Variants in ANK1 observed in about 807,000 individuals in gnomAD.
ANK1 encodes the protein ankyrin-1.
A neutral mutation model predicts 210.4 loss-of-function variants in ANK1; 51 were observed. The observed-to-expected ratio is 0.24, with a 90% CI of 0.19 to 0.31. The LOEUF (loss-of-function observed/expected upper bound fraction) is 0.31. ANK1 is among the 10% of genes least tolerant of loss of function. The pLI is 1.00. For missense variants in ANK1, 2,051 were observed against 2,504.4 expected (o/e 0.82, Z 3.86); for synonymous variants, 967 against 1,025.9 (o/e 0.94, Z 1.10).
chr8:41,891,580 C>T (rs1488217388), intron 1 of ANK1, among the ~76,000 whole-genome samples: 1 of 152,230 alleles, frequency 6.6e-6, no homozygotes, highest in South Asian at 2.1e-4. Flanking sequence ...ACCCTGCTCT[C>T]CTGGTCTAGC....
rs150607306 is a variant in ANK1 at position 41,671,090 on chromosome 8, C to T, written c.5096+1264G>A. Reference sequence around the variant, plus strand: ...GAGAGCTCCAAGGTGAGCCGGTCCTCGGCCGCAGACTTGCAGTGTCTGGGA... The same window carrying T: ...GAGAGCTCCAAGGTGAGCCGGTCCTTGGCCGCAGACTTGCAGTGTCTGGGA... On this transcript the variant is annotated intron_variant, in intron 38 of 42. Transcript: ENST00000289734. 3.0e-3 allele frequency among the ~76,000 whole-genome samples: 452 copies of T among 152,334 alleles called. 4 individuals are homozygous for T. The highest frequency in any genetic ancestry group is 9.7e-3 in the African/African-American group (402 of 41,568).
intron 22 of ANK1, among the ~76,000 whole-genome samples, chr8:41,701,249 A>G (rs569960084): frequency 6.6e-6 from 1 of 152,318 alleles, no homozygotes; most frequent in East Asian, 1.9e-4. Context: ...CGGAGACTTG[A>G]TCTCAGTAGA....
chr8:41,795,559 G>T (rs1360575443), intron 1 of ANK1, among the ~76,000 whole-genome samples: 1 of 151,880 alleles, frequency 6.6e-6, no homozygotes, highest in Non-Finnish European at 1.5e-5. Flanking sequence ...ACTAATTACA[G>T]CTGCTTGAGC....
At chr8:41,749,350 T>C (rs1190638793) in intron 2 of ANK1, among the ~76,000 whole-genome samples, 2 of 140,250 alleles carry the variant, frequency 1.4e-5, no homozygotes, top group African/African-American at 2.7e-5. Flanking sequence ...CAGGCTGGAG[T>C]GCAGTGGCAC....
intron 1 of ANK1, among the ~76,000 whole-genome samples, chr8:41,761,298 TACACACACACGC>T (rs1269676835): frequency 2.0e-5 from 3 of 149,092 alleles, no homozygotes; most frequent in African/African-American, 7.5e-5. Flanking sequence ...AAGAGATGCA[TACACACACACGC>T]ACACACATGC....
intron 2 of ANK1, among the ~76,000 whole-genome samples, chr8:41,747,112 A>G (rs1836386295): frequency 6.6e-6 from 1 of 152,212 alleles, no homozygotes; most frequent in South Asian, 2.1e-4. Flanking sequence ...AAAAAGTAAT[A>G]TGCCAAGATT....
rs1805339109 is a variant in ANK1 at position 41,655,450 on chromosome 8, C to T, written c.*340G>A. On this transcript the variant is annotated 3_prime_UTR_variant, in exon 43 of 43. Transcript: ENST00000289734. ...CCCAGCCACAAAAAGCCCTCATTCACTTTTGCGTTCGCAGGCTCTCCTGCG... is the reference window on the plus strand; with the variant it reads ...CCCAGCCACAAAAAGCCCTCATTCATTTTTGCGTTCGCAGGCTCTCCTGCG... 5 of 408,236 alleles carry T rather than the reference C, an allele frequency of 1.2e-5. No homozygotes were observed. Among genetic ancestry groups the T allele is most frequent in the Non-Finnish European group, 2.2e-5 (5 of 227,852 alleles). 25.3% of individuals were successfully genotyped at this position (408,236 alleles called of 1,614,324 possible).
rs754033237 is a variant in ANK1, at chr8:41,668,319, C to T, written c.5342G>A (p.Gly1781Asp). The change falls in exon 39 of 43, where the codon GGC (glycine) becomes GAC (aspartate). Residue 1781 changes from glycine to aspartate, a missense_variant. This residue lies in a region of ANK1 where 496 missense variants were observed against 533.4 expected (regional missense o/e 0.93). Transcript: ENST00000289734. Reference sequence around the variant, plus strand: ...GGCCTCCTGCACCTGCTCTTCTTGGCCTTGCTGCCTCCGGTCCCTGTCGGC... The same window carrying T: ...GGCCTCCTGCACCTGCTCTTCTTGGTCTTGCTGCCTCCGGTCCCTGTCGGC... ...SQADRDRRQQGQEEQVQEAKN... is the reference protein window; with the variant it reads ...SQADRDRRQQDQEEQVQEAKN... The T allele has an allele frequency of 2.5e-6, 4 of 1,614,224 alleles. No homozygotes were observed. Among genetic ancestry groups the T allele is most frequent in the South Asian group, 1.1e-5 (1 of 91,088 alleles).
At chr8:41,709,324 T>C (rs533939131) in intron 16 of ANK1, among the ~76,000 whole-genome samples, 1 of 152,344 alleles carries the variant, frequency 6.6e-6, no homozygotes, top group Admixed American at 6.5e-5. Flanking sequence ...ACCCCAAATA[T>C]TTCATAAAGA....
intron 11 of ANK1, 91 bp downstream of exon 11, chr8:41,718,015 G>A (rs558816817): frequency 8.1e-7 from 1 of 1,235,748 alleles, no homozygotes; most frequent in Admixed American, 1.9e-5. Context: ...CACCCCTGCA[G>A]CCATACAAAG....
chr8:41,685,190 A>G (rs543253400), intron 36 of ANK1, among the ~76,000 whole-genome samples: 7 of 152,194 alleles, frequency 4.6e-5, no homozygotes, highest in Admixed American at 1.3e-4. Flanking sequence ...TGGCCTCCCA[A>G]AGTGCTGGGA....
intron 1 of ANK1, among the ~76,000 whole-genome samples, chr8:41,759,929 G>A (rs1255458971): frequency 1.3e-5 from 2 of 152,168 alleles, no homozygotes; most frequent in Non-Finnish European, 2.9e-5. Flanking sequence ...GGACTCAGAT[G>A]CAGGTAGTGT....
intron 1 of ANK1, among the ~76,000 whole-genome samples, chr8:41,790,161 T>TC (rs1328102504): frequency 2.0e-5 from 3 of 151,678 alleles, no homozygotes; most frequent in South Asian, 4.2e-4. Flanking sequence ...TTTTTTTTTT[T>TC]CAGAGACAGA....
In ANK1 at chr8:41,693,141, T is replaced by C. The variant is rs200633006; in HGVS notation, c.3593A>G (p.Asn1198Ser). 1 of 1,613,930 alleles carries C rather than the reference T, an allele frequency of 6.2e-7. No individual in the cohort carries two copies. The highest frequency in any genetic ancestry group is 2.2e-5 in the East Asian group (1 of 44,870). ...ATTGGTGGTGAAGTTGGCGCACTCG[T>C]TGGCATATACAAGTTTGGTGGTTCC... Reference protein sequence around the residue: ...ITGTTKLVYANECANFTTNVS... With the variant: ...ITGTTKLVYASECANFTTNVS... The change falls in exon 30 of 43, where the codon AAC becomes AGC. Residue 1198 changes from asparagine (N) to serine (S), a missense_variant. Coordinates refer to ENST00000289734, the MANE Select transcript of ANK1 (RefSeq NM_000037.4).
chr8:41,718,262 C>T lies in ANK1; in HGVS notation c.1108-58G>A, dbSNP rs182348855. 706 of 1,560,626 alleles carry T rather than the reference C, an allele frequency of 4.5e-4. 3 individuals are homozygous for T. In the African/African-American group the frequency reaches 5.1e-3, roughly 11 times the overall value. ...GGAGCTTACACACGGGCCCAAGGAA[C>T]GCCCAGAAGACCACCTGGCTGCTCT... On this transcript the variant is annotated intron_variant, in intron 10 of 42. Coordinates refer to ENST00000289734, the MANE Select transcript of ANK1 (RefSeq NM_000037.4).
At chr8:41,714,045 C>G in intron 16 of ANK1, 111 bp downstream of exon 16, 1 of 720,162 alleles carries the variant, frequency 1.4e-6, no homozygotes, top group Non-Finnish European at 2.0e-6. Context: ...GTAAAAATAG[C>G]AACAGAACGC....
At position 41,694,909 on chromosome 8, in the gene ANK1, T is replaced by G. The variant is rs552959439; in HGVS notation, c.3116-106A>C. ...TCCCCAAGACCCAGTGCACACACCC[T>G]CCCCAGGTGCCGGGCGGCATAGTGG... On this transcript the variant is annotated intron_variant, in intron 27 of 42. Transcript: ENST00000289734. This position sits in a 1 kb window ranked among gnomAD's most constrained non-coding sequence, Gnocchi z 5.7. The G allele has an allele frequency of 5.6e-6, 7 of 1,248,974 alleles. No individual in the cohort carries two copies. Among genetic ancestry groups the G allele is most frequent in the Non-Finnish European group, 8.0e-6 (7 of 871,294 alleles). 77.4% of individuals were successfully genotyped at this position (1,248,974 alleles called of 1,614,324 possible).
intron 24 of ANK1, 113 bp downstream of exon 24, chr8:41,697,930 G>T: frequency 1.1e-6 from 1 of 951,696 alleles, no homozygotes; most frequent in Non-Finnish European, 1.7e-6. Flanking sequence ...ACAGTGAGTG[G>T]CATGTGAGCT....
chr8:41,847,321 C>T (rs540968945), intron 1 of ANK1, among the ~76,000 whole-genome samples: 53 of 152,274 alleles, frequency 3.5e-4, no homozygotes, highest in African/African-American at 1.2e-3. Flanking sequence ...GCGAGGAAGA[C>T]GGTGCAGGTG....
Sources: allele counts gnomAD v4.1 joint callset (sites outside exome capture counted in the v4.1 genomes callset), GRCh38; gene constraint gnomAD v4.1.1; regional missense constraint gnomAD v4.1.1; non-coding constraint Gnocchi (gnomAD v3.1); transcripts MANE v1.5; gene names NCBI Gene and HGNC (gene_info 2026-07-23, HGNC 2026-07-21).